PIK3C3: variants seen among roughly 807,000 people sequenced by gnomAD.
The protein encoded by PIK3C3 is phosphatidylinositol 3-kinase catalytic subunit type 3.
PIK3C3 carries 95 observed loss-of-function variants against 126.1 expected under a neutral mutation model. The ratio of observed to expected loss-of-function variants is 0.75; its 90% CI spans 0.64 to 0.89. The LOEUF (loss-of-function observed/expected upper bound fraction) is 0.89. Ranked by LOEUF, PIK3C3 falls within the 40% of genes least tolerant of loss-of-function variation. The pLI, the probability that PIK3C3 is intolerant of heterozygous loss-of-function variation, is 0.00. For missense variants in PIK3C3, 829 were observed against 1,063.2 expected, an observed-to-expected ratio of 0.78 and a Z score of 3.06; for synonymous variants, 374 against 360.0, an observed-to-expected ratio of 1.04 and a Z score of -0.44.
At chr18:41,998,616 G>A (rs540633147) in intron 9 of PIK3C3, among the ~76,000 whole-genome samples, 1 of 152,282 alleles carries the variant, frequency 6.6e-6, no homozygotes, top group Non-Finnish European at 1.5e-5. Context: ...TGTGTGACAA[G>A]TTTCATTTAA....
chr18:42,049,803 G>A (rs1478561079), intron 21 of PIK3C3, 198 bp downstream of exon 21: 13 of 437,296 alleles, frequency 3.0e-5, no homozygotes, highest in South Asian at 1.5e-4. Context: ...GAGAAACCCC[G>A]TCTCTACTAA....
At chr18:42,051,677 A>G (rs1984808643) in intron 21 of PIK3C3, among the ~76,000 whole-genome samples, 1 of 152,134 alleles carries the variant, frequency 6.6e-6, no homozygotes, top group Admixed American at 6.6e-5. Context: ...CTCATTTAGC[A>G]GAGGATATTT....
intron 24 of PIK3C3, among the ~76,000 whole-genome samples, chr18:42,071,719 CA>C (rs200860046): frequency 0.024 from 2,411 of 98,830 alleles, 27 homozygotes; most frequent in South Asian, 0.053. Context: ...GATTCTGTCT[CA>C]AAAAAAAAAA....
rs1375262322 is a variant in PIK3C3, at chr18:42,087,426, T to C, written c.*6289T>C. On this transcript the variant is annotated 3_prime_UTR_variant, in exon 25 of 25. Transcript: ENST00000262039. ...CAAATGGGCTTTCCAGTTGATTGGGTCCATCTTGTGTAACACGTGGCTGGC... is the reference window on the plus strand; with the variant it reads ...CAAATGGGCTTTCCAGTTGATTGGGCCCATCTTGTGTAACACGTGGCTGGC... The C allele has an allele frequency of 6.6e-6, 1 of 152,192 alleles. No homozygotes were observed. Among genetic ancestry groups the C allele is most frequent in the Non-Finnish European group, 1.5e-5 (1 of 68,038 alleles). 9.4% of individuals were successfully genotyped at this position (152,192 alleles called of 1,614,324 possible).
At chr18:41,956,742 G>A (rs1979797019) in intron 1 of PIK3C3, among the ~76,000 whole-genome samples, 1 of 152,038 alleles carries the variant, frequency 6.6e-6, no homozygotes, top group Non-Finnish European at 1.5e-5. Context: ...ACTGTAATGG[G>A]AAGAATATTG....
In PIK3C3 at chr18:41,955,400, G is replaced by T. The variant is rs770379285; in HGVS notation, c.68+41G>T. 6 of 1,547,674 alleles carry T rather than the reference G, an allele frequency of 3.9e-6. No homozygotes were observed. The African/African-American group carries it at 6.8e-5, about 18-fold the overall frequency. ...GGACAGGGAGTGGGATTGCTGGGGC[G>T]TAGGGACGTGGGGGCAGGGGCCTGT... On this transcript the variant is annotated intron_variant, in intron 1 of 24. Transcript: ENST00000262039.
intron 1 of PIK3C3, 42 bp from the exon 2 acceptor site, chr18:41,957,527 TA>T: frequency 6.3e-7 from 1 of 1,586,478 alleles, no homozygotes; most frequent in Non-Finnish European, 8.6e-7. Context: ...TGTACATGCT[TA>T]AAAAATTCAT....
In PIK3C3 at chr18:41,995,974, G is replaced by A. The variant is rs937193067; in HGVS notation, c.871G>A (p.Ala291Thr). ...TGACCACGATCTGAAACCCAATGCT[G>A]CCACGAGAGATCAGTTAAATGTAAG... ...PSDHDLKPNA[A>T]TRDQLNIIVS... Residue 291 changes from alanine to threonine, a missense_variant, in exon 8 of 25, where the codon GCC (alanine) becomes ACC (threonine). Physicochemically the swap from Ala to Thr is moderately conservative, Grantham distance 58. Transcript: ENST00000262039. The A allele has an allele frequency of 3.7e-6, 6 of 1,607,472 alleles. No individual in the cohort carries two copies. Among genetic ancestry groups the A allele is most frequent in the Admixed American group, 1.7e-5 (1 of 59,914 alleles).
At position 41,955,246 on chromosome 18, in the gene PIK3C3, C is replaced by G; in HGVS notation, c.-46C>G. On this transcript the variant is annotated 5_prime_UTR_variant, in exon 1 of 25. Transcript: ENST00000262039. The stretch of plus-strand genomic sequence containing the variant: ...AGCTGGTTCATTTATGTTGTTTTTC[C>G]TGTACCTAAGTTCCCGCTGTAGGTG... The G allele has an allele frequency of 6.5e-7, 1 of 1,532,698 alleles. No homozygotes were observed. The highest frequency in any genetic ancestry group is 9.0e-7 in the Non-Finnish European group (1 of 1,111,084). The allele number at this position is 1,532,698 out of a possible 1,614,324, so 94.9% of individuals were successfully genotyped here.
chr18:42,044,395 TTTTTC>T (rs372010751), intron 20 of PIK3C3, among the ~76,000 whole-genome samples: 33 of 152,146 alleles, frequency 2.2e-4, no homozygotes, highest in African/African-American at 7.5e-4. Context: ...TTTCTTTATT[TTTTTC>T]TTTTCTTTTC....
Position 42,057,919 on chromosome 18 carries a change from G to T in PIK3C3, c.2300G>T (p.Gly767Val). The change falls in exon 22 of 25, where the codon GGT (glycine) becomes GTT (valine). Residue 767 changes from glycine to valine, a missense_variant. Physicochemically the swap from Gly to Val is moderately radical, Grantham distance 109. Transcript: ENST00000262039. Reference protein sequence around the residue: ...LFHIDFGYILGRDPKPLPPPM... With the variant: ...LFHIDFGYILVRDPKPLPPPM... ...CACATAGACTTTGGATATATTTTGGGTCGGGATCCAAAGCCTCTTCCTCCA... is the reference window on the plus strand; with the variant it reads ...CACATAGACTTTGGATATATTTTGGTTCGGGATCCAAAGCCTCTTCCTCCA... 6.2e-7 allele frequency: 1 copy of T among 1,613,648 alleles called. No homozygotes were observed. The highest frequency in any genetic ancestry group is 8.5e-7 in the Non-Finnish European group (1 of 1,179,768).
intron 4 of PIK3C3, among the ~76,000 whole-genome samples, chr18:41,984,207 G>A (rs564400351): frequency 1.3e-5 from 2 of 152,148 alleles, no homozygotes; most frequent in East Asian, 3.9e-4. Flanking sequence ...GTAAATCACT[G>A]ACATTACAGA....
intron 9 of PIK3C3, among the ~76,000 whole-genome samples, chr18:41,999,779 G>T (rs1982195960): frequency 6.6e-6 from 1 of 152,158 alleles, no homozygotes; most frequent in Non-Finnish European, 1.5e-5. Context: ...AGTGTGCTGT[G>T]ACATGAGGAA....
Position 42,049,610 on chromosome 18 carries a change from C to T in PIK3C3, c.2263+5C>T, listed in dbSNP as rs1004730933. ...ACCTTTTGCTAACAAAAACAGGTAA[C>T]AATTAATGACTACCAGTAGACATAC... On this transcript the variant is annotated splice_donor_5th_base_variant and intron_variant, in intron 21 of 24. Transcript: ENST00000262039. The T allele has an allele frequency of 2.5e-6, 4 of 1,589,028 alleles. No homozygotes were observed. Among genetic ancestry groups the T allele is most frequent in the African/African-American group, 1.3e-5 (1 of 74,404 alleles).
intron 24 of PIK3C3, among the ~76,000 whole-genome samples, chr18:42,072,356 C>G (rs1020141644): frequency 3.9e-5 from 6 of 152,068 alleles, no homozygotes; most frequent in African/African-American, 1.4e-4. Flanking sequence ...ACTATTATAT[C>G]CAAATGCTAC....
In PIK3C3 at chr18:42,013,465, A is replaced by G. The variant is rs769438579; in HGVS notation, c.1194A>G (p.Gln398=). 3.8e-6 allele frequency: 6 copies of G among 1,573,370 alleles called. No individual in the cohort carries two copies. In the Admixed American group the frequency reaches 1.0e-4, roughly 26 times the overall value. Residue 398 remains glutamine (Q), a synonymous_variant, in exon 11 of 25, where the codon CAA becomes CAG. Coordinates refer to ENST00000262039, the MANE Select transcript of PIK3C3 (RefSeq NM_002647.4). ...AGGATTTGTTGATGTACCTATTACA[A>G]TTGGTCCAGGCTCTCAAATATGAAA... The part of the protein sequence containing the change: ...DDEDLLMYLL[Q]LVQALKYENF...
intron 13 of PIK3C3, among the ~76,000 whole-genome samples, chr18:42,024,197 T>C (rs1211397843): frequency 2.0e-5 from 3 of 152,218 alleles, no homozygotes; most frequent in Non-Finnish European, 2.9e-5. Flanking sequence ...ACTGATGTCA[T>C]CTTACAATGG....
intron 6 of PIK3C3, among the ~76,000 whole-genome samples, chr18:41,992,819 G>A (rs1218422292): frequency 6.6e-6 from 1 of 152,020 alleles, no homozygotes; most frequent in Non-Finnish European, 1.5e-5. Context: ...TTCTTTGAAT[G>A]GATCTCCATT....
chr18:42,035,060 CT>C (rs1207038952), intron 16 of PIK3C3, among the ~76,000 whole-genome samples: 1 of 151,978 alleles, frequency 6.6e-6, no homozygotes, highest in Admixed American at 6.6e-5. Flanking sequence ...TGCTTACAAC[CT>C]ATTGGTTTTA....
Sources: gnomAD v4.1 joint callset for allele counts (sites outside exome capture counted in the v4.1 genomes callset) on GRCh38, gnomAD v4.1.1 for gene constraint, MANE v1.5 for transcripts, NCBI Gene and HGNC (gene_info 2026-07-23, HGNC 2026-07-21) for gene names.